Variants in CYP7B1 observed in about 807,000 individuals in gnomAD.
CYP7B1 encodes the protein cytochrome P450 family 7 subfamily B member 1, also known as cytochrome P450 7B1.
Under a neutral mutation model 42.7 loss-of-function variants are expected in CYP7B1, and 29 were observed. That is an observed-to-expected ratio of 0.68 (90% CI 0.51 to 0.93). CYP7B1 has a LOEUF of 0.93. Ranked by LOEUF, CYP7B1 falls within the 40% of genes least tolerant of loss-of-function variation. The probability of loss-of-function intolerance (pLI) is 0.00; values close to 1 mark genes in which losing one functional copy is unlikely to be tolerated. For synonymous variants in CYP7B1, 235 were observed against 218.2 expected, an observed-to-expected ratio of 1.08 and a Z score of -0.68; for missense variants, 655 against 600.5, an observed-to-expected ratio of 1.09 and a Z score of -0.95.
At chr8:64,686,110 C>G (rs1209502340) in intron 1 of CYP7B1, among the ~76,000 whole-genome samples, 8 of 102,882 alleles carry the variant, frequency 7.8e-5, no homozygotes, top group South Asian at 3.5e-4. Context: ...GTGGGGGGGT[C>G]AGCCCTCCGC....
In CYP7B1 at chr8:64,591,744, C is replaced by A. The variant is rs1229502766; in HGVS notation, c.*4898G>T. On this transcript the variant is annotated 3_prime_UTR_variant, in exon 6 of 6. Transcript: ENST00000310193. ...TTCTTCTAGGTTGCTTATAAGCATG[C>A]CTGATTTAGTGATAGGTAGCTTTTT... Among the ~76,000 whole-genome samples, 1 of 152,092 alleles carries A rather than the reference C, an allele frequency of 6.6e-6. No individual in the cohort carries two copies. Among genetic ancestry groups the A allele is most frequent in the Non-Finnish European group, 1.5e-5 (1 of 68,022 alleles).
chr8:64,734,798 A>G (rs1025415422), intron 1 of CYP7B1, among the ~76,000 whole-genome samples: 2 of 152,250 alleles, frequency 1.3e-5, no homozygotes, highest in African/African-American at 4.8e-5. Context: ...TTTTAACTAC[A>G]GAAAGCATAA....
At chr8:64,699,276 C>A (rs1806877449) in intron 1 of CYP7B1, among the ~76,000 whole-genome samples, 1 of 152,072 alleles carries the variant, frequency 6.6e-6, no homozygotes, top group Admixed American at 6.6e-5. Flanking sequence ...ATTCATGACT[C>A]TAAACTACAT....
intron 1 of CYP7B1, among the ~76,000 whole-genome samples, chr8:64,699,762 T>C (rs1169860066): frequency 6.6e-6 from 1 of 152,114 alleles, no homozygotes; most frequent in Non-Finnish European, 1.5e-5. Context: ...AAAAAATTAC[T>C]GGAAAACCCT....
chr8:64,770,606 C>T lies in CYP7B1; in HGVS notation c.122+27860G>A, dbSNP rs1465307157. ...ATAAATCTAAAACCAATATACTCAC[C>T]ATAATAAACATTAAACAAACAACAC... On this transcript the variant is annotated intron_variant, in intron 1 of 5. Transcript: ENST00000310193. 2.0e-5 allele frequency among the ~76,000 whole-genome samples: 3 copies of T among 152,160 alleles called. No homozygotes were observed. In the East Asian group the frequency reaches 5.8e-4, roughly 29 times the overall value.
intron 1 of CYP7B1, among the ~76,000 whole-genome samples, chr8:64,656,205 A>G (rs1806118391): frequency 6.6e-6 from 1 of 152,202 alleles, no homozygotes; most frequent in Non-Finnish European, 1.5e-5. Flanking sequence ...TAAATAAATC[A>G]CTACCCTAAA....
rs543965550 is a variant in CYP7B1, at chr8:64,651,773, A to T, written c.123-27234T>A. On this transcript the variant is annotated intron_variant, in intron 1 of 5. Transcript: ENST00000310193. ...AGGAAGCAGCCCTCACCAGACACCA[A>T]ATCTGGTGCTGCCTTGATCTTGGAC... 3.9e-5 allele frequency among the ~76,000 whole-genome samples: 6 copies of T among 152,276 alleles called. No homozygotes were observed. The South Asian group carries it at 1.2e-3, about 32-fold the overall frequency.
chr8:64,671,154 T>C (rs1806361671), intron 1 of CYP7B1, among the ~76,000 whole-genome samples: 1 of 152,052 alleles, frequency 6.6e-6, no homozygotes, highest in African/African-American at 2.4e-5. Flanking sequence ...GAATAATAAC[T>C]ATATTCAATT....
At chr8:64,755,636 G>C (rs1279966897) in intron 1 of CYP7B1, among the ~76,000 whole-genome samples, 4 of 151,900 alleles carry the variant, frequency 2.6e-5, no homozygotes, top group African/African-American at 9.7e-5. Context: ...TCAGGCTGGA[G>C]ACCGGCAAAT....
intron 1 of CYP7B1, among the ~76,000 whole-genome samples, chr8:64,678,239 T>C (rs1806481296): frequency 6.6e-6 from 1 of 152,030 alleles, no homozygotes; most frequent in African/African-American, 2.4e-5. Flanking sequence ...CCTGGGTATG[T>C]TATAAACATG....
chr8:64,721,493 A>G (rs1233352523), intron 1 of CYP7B1, among the ~76,000 whole-genome samples: 2 of 152,220 alleles, frequency 1.3e-5, no homozygotes, highest in Admixed American at 1.3e-4. Context: ...ACAATCTCTC[A>G]GGGAAAACTA....
chr8:64,735,552 TAA>T (rs1248735216), intron 1 of CYP7B1, among the ~76,000 whole-genome samples: 1 of 152,242 alleles, frequency 6.6e-6, no homozygotes, highest in Non-Finnish European at 1.5e-5. Context: ...CGGTGATATT[TAA>T]ATCTGAACTC....
chr8:64,718,638 C>T (rs189875171), intron 1 of CYP7B1, among the ~76,000 whole-genome samples: 2 of 152,312 alleles, frequency 1.3e-5, no homozygotes, highest in Non-Finnish European at 2.9e-5. Context: ...TTATGTTCAC[C>T]TCCAGGTCTG....
chr8:64,760,979 G>T (rs1462185185), intron 1 of CYP7B1, among the ~76,000 whole-genome samples: 2 of 152,064 alleles, frequency 1.3e-5, no homozygotes, highest in South Asian at 2.1e-4. Context: ...AACAGATAAA[G>T]AAATTACAAT....
In CYP7B1 at chr8:64,606,844, G is replaced by A. The variant is rs185557114; in HGVS notation, c.1058-1987C>T. Among the ~76,000 whole-genome samples, 5 of 152,298 alleles carry A rather than the reference G, an allele frequency of 3.3e-5. No individual in the cohort carries two copies. In the East Asian group the frequency reaches 7.7e-4, roughly 24 times the overall value. On this transcript the variant is annotated intron_variant, in intron 4 of 5. Transcript: ENST00000310193. ...ATCAACAATGGAGAGTAGAGCTTAC[G>A]TGGCTCTGCAGAATAACATCCAGAC...
chr8:64,714,147 T>C (rs1018398375), intron 1 of CYP7B1, among the ~76,000 whole-genome samples: 1 of 152,206 alleles, frequency 6.6e-6, no homozygotes, highest in African/African-American at 2.4e-5. Context: ...CTCTTAACCA[T>C]GCTATATGGC....
intron 2 of CYP7B1, 62 bp from the exon 3 acceptor site, chr8:64,616,343 C>A (rs1196885174): frequency 9.6e-7 from 1 of 1,038,126 alleles, no homozygotes; most frequent in Non-Finnish European, 1.4e-6. Flanking sequence ...GAAATAAACA[C>A]CACAAATTAA....
intron 1 of CYP7B1, among the ~76,000 whole-genome samples, chr8:64,767,280 C>T (rs187466372): frequency 6.6e-6 from 1 of 152,212 alleles, no homozygotes; most frequent in Admixed American, 6.5e-5. Flanking sequence ...ATTGGCAGTA[C>T]AGAAACCTAA....
At chr8:64,622,639 A>G (rs984035350) in intron 2 of CYP7B1, among the ~76,000 whole-genome samples, 5 of 152,190 alleles carry the variant, frequency 3.3e-5, no homozygotes, top group Admixed American at 3.3e-4. Flanking sequence ...AAAAGTGGAA[A>G]GTAACTAGAG....
Sources: gnomAD v4.1 joint callset for allele counts (sites outside exome capture counted in the v4.1 genomes callset) on GRCh38, gnomAD v4.1.1 for gene constraint, MANE v1.5 for transcripts, NCBI Gene and HGNC (gene_info 2026-07-23, HGNC 2026-07-21) for gene names.